Variants in PGBD5 observed in about 807,000 individuals in gnomAD.
The protein encoded by PGBD5 is piggyBac transposable element-derived protein 5.
In PGBD5, 14 loss-of-function variants were observed where a neutral mutation model predicts 47.9. The observed-to-expected ratio is 0.29, with a 90% confidence interval of 0.19 to 0.46. The LOEUF (loss-of-function observed/expected upper bound fraction) is 0.46, where lower values mean the gene tolerates loss of function less well. Among genes scored for constraint, PGBD5 ranks in the 20% least tolerant of loss-of-function variants. The probability of loss-of-function intolerance (pLI) is 1.00; values close to 1 mark genes in which losing one functional copy is unlikely to be tolerated. For missense variants in PGBD5, 635 were observed against 716.0 expected, an observed-to-expected ratio of 0.89 and a Z score of 1.29; for synonymous variants, 316 against 306.3, an observed-to-expected ratio of 1.03 and a Z score of -0.33.
At chr1:230,411,751 T>C (rs897423455) in intron 1 of PGBD5, among the ~76,000 whole-genome samples, 1 of 152,158 alleles carries the variant, frequency 6.6e-6, no homozygotes, top group Non-Finnish European at 1.5e-5. Flanking sequence ...GAGAACTACA[T>C]ACTGAGACCA....
At chr1:230,415,970 T>G (rs562835990) in intron 1 of PGBD5, among the ~76,000 whole-genome samples, 7 of 152,346 alleles carry the variant, frequency 4.6e-5, no homozygotes, top group Admixed American at 1.3e-4. Flanking sequence ...CAGTATTCAC[T>G]TGACAGGATG....
At chr1:230,367,811 A>T in intron 1 of PGBD5, 3 of 1,101,106 alleles carry the variant, frequency 2.7e-6, no homozygotes, top group Non-Finnish European at 3.6e-6. Context: ...GCTCTTCATC[A>T]TATCAACCAC....
At chr1:230,384,709 C>G (rs1656593332) in intron 1 of PGBD5, among the ~76,000 whole-genome samples, 1 of 152,256 alleles carries the variant, frequency 6.6e-6, no homozygotes, top group African/African-American at 2.4e-5. Flanking sequence ...ACTCTCACGA[C>G]ACCACGCGGC....
chr1:230,325,327 G>C lies in PGBD5; in HGVS notation c.1362C>G (p.Tyr454Ter). 1.9e-6 allele frequency: 3 copies of C among 1,612,754 alleles called. No individual in the cohort carries two copies. Among genetic ancestry groups the C allele is most frequent in the Non-Finnish European group, 1.7e-6 (2 of 1,179,324 alleles). ...FAAHLSYICR[Y>*]DDKYSKYFIS... ...CCACTTACTTGCTGTATTTGTCATC[G>C]TATCTGCAGATGTAGCTCAGGTGAG... Residue 454 changes from tyrosine to a stop codon, truncating the protein, a stop_gained, in exon 6 of 7, where the codon TAC becomes TAG. Coordinates refer to ENST00000391860, the MANE Select transcript of PGBD5 (RefSeq NM_001258311.2). LOFTEE classifies it high-confidence loss of function.
chr1:230,320,387 A>G lies in PGBD5; in HGVS notation c.*3038T>C, dbSNP rs536436014. On this transcript the variant is annotated 3_prime_UTR_variant, in exon 7 of 7. Transcript: ENST00000391860. ...TTCCCTGTGAGTTGCAGGGAAATGC[A>G]GATTCTCTTTGGAGAAGCTTGGAAG... The G allele has an allele frequency of 5.9e-5, 9 of 152,350 alleles. No individual in the cohort carries two copies. Among genetic ancestry groups the G allele is most frequent in the African/African-American group, 2.2e-4 (9 of 41,582 alleles). 9.4% of individuals were successfully genotyped at this position (152,350 alleles called of 1,614,324 possible).
Position 230,393,185 on chromosome 1 carries a change from G to C in PGBD5, c.331+32413C>G, listed in dbSNP as rs143964116. On this transcript the variant is annotated intron_variant, in intron 1 of 6. Coordinates refer to ENST00000391860, the MANE Select transcript of PGBD5 (RefSeq NM_001258311.2). ...AAAGGGAAGAGAAGGGGAAGGGAGG[G>C]GGGGAGGAGGGAGGAGGCAGGGAAG... 2.5e-3 allele frequency among the ~76,000 whole-genome samples: 365 copies of C among 145,876 alleles called. 2 individuals are homozygous for C. Among genetic ancestry groups the C allele is most frequent in the African/African-American group, 8.9e-3 (351 of 39,346 alleles).
intron 1 of PGBD5, among the ~76,000 whole-genome samples, chr1:230,370,690 A>G (rs879122131): frequency 6.6e-6 from 1 of 152,210 alleles, no homozygotes; most frequent in Admixed American, 6.5e-5. Context: ...AATAGCCCAG[A>G]TGGTCCAGCT....
At chr1:230,360,926 G>C (rs1007601937) in intron 1 of PGBD5, among the ~76,000 whole-genome samples, 2 of 152,108 alleles carry the variant, frequency 1.3e-5, no homozygotes, top group African/African-American at 4.8e-5. Flanking sequence ...ATCTACGTGA[G>C]GCATCATCCC....
intron 3 of PGBD5, among the ~76,000 whole-genome samples, chr1:230,339,433 C>T (rs576197277): frequency 5.3e-5 from 8 of 152,184 alleles, no homozygotes; most frequent in African/African-American, 1.2e-4. Flanking sequence ...ATGGCTGTTA[C>T]GGCAAACAGT....
chr1:230,393,331 G>A (rs1382599712), intron 1 of PGBD5, among the ~76,000 whole-genome samples: 2 of 151,622 alleles, frequency 1.3e-5, no homozygotes, highest in African/African-American at 2.4e-5. Context: ...TGTGCTCAGG[G>A]CCAGTGCAGC....
At position 230,318,582 on chromosome 1, in the gene PGBD5, C is replaced by CAAGGCT. The variant is rs1666984210; in HGVS notation, c.*4837_*4842dup. ...TCTTTCGTTTGGAACTCCCACTACA[C>CAAGGCT]AAGGCTAAGGCTTTCCACAGCCAAA... On this transcript the variant is annotated 3_prime_UTR_variant, in exon 7 of 7. Transcript: ENST00000391860. 1.3e-5 allele frequency: 2 copies of CAAGGCT among 152,270 alleles called. No individual in the cohort carries two copies. The highest frequency in any genetic ancestry group is 2.9e-5 in the Non-Finnish European group (2 of 68,076). 9.4% of individuals were successfully genotyped at this position (152,270 alleles called of 1,614,324 possible). A position where few individuals can be genotyped will look rare whatever the true frequency, so the allele number is the denominator to read the frequency against.
intron 1 of PGBD5, among the ~76,000 whole-genome samples, chr1:230,386,321 A>G (rs987943591): frequency 2.7e-5 from 4 of 149,302 alleles, no homozygotes; most frequent in African/African-American, 9.7e-5. Context: ...CCTATCTTAA[A>G]AAAAAAAAAA....
intron 3 of PGBD5, among the ~76,000 whole-genome samples, chr1:230,348,301 A>G (rs372466468): frequency 7.2e-5 from 11 of 152,224 alleles, no homozygotes; most frequent in African/African-American, 2.2e-4. Context: ...CATATTCCAG[A>G]GCAATGACTG....
chr1:230,390,979 A>G (rs1263312397), intron 1 of PGBD5, among the ~76,000 whole-genome samples: 3 of 152,052 alleles, frequency 2.0e-5, no homozygotes, highest in Non-Finnish European at 4.4e-5. Flanking sequence ...AGCTCAAGTG[A>G]TCTGCCTGCC....
Position 230,348,486 on chromosome 1 carries a change from A to G in PGBD5, c.894+2472T>C, listed in dbSNP as rs571871315. ...ACCTCATGTAAGAAATGGGATCAAC[A>G]CGGCCTGCTCTCTATGTCTTACAAG... On this transcript the variant is annotated intron_variant, in intron 3 of 6. Coordinates refer to ENST00000391860, the MANE Select transcript of PGBD5 (RefSeq NM_001258311.2). Among the ~76,000 whole-genome samples, 35 of 152,302 alleles carry G rather than the reference A, an allele frequency of 2.3e-4. 1 individual carries two copies. In the South Asian group the frequency reaches 7.3e-3, roughly 32 times the overall value.
chr1:230,407,834 G>C (rs921578744), intron 1 of PGBD5, among the ~76,000 whole-genome samples: 1 of 152,060 alleles, frequency 6.6e-6, no homozygotes. Context: ...AATTATAATC[G>C]GGGCAACATC....
intron 6 of PGBD5, among the ~76,000 whole-genome samples, chr1:230,324,340 T>C (rs932608148): frequency 3.9e-5 from 6 of 152,218 alleles, no homozygotes; most frequent in African/African-American, 1.4e-4. Context: ...AACAACCTCA[T>C]AGAACACAGC....
At chr1:230,393,120 GA>G (rs1468409918) in intron 1 of PGBD5, among the ~76,000 whole-genome samples, 2 of 132,110 alleles carry the variant, frequency 1.5e-5, no homozygotes, top group Admixed American at 1.7e-4. Context: ...AGGGGAAGGG[GA>G]AAAAAGAAGG....
intron 1 of PGBD5, among the ~76,000 whole-genome samples, chr1:230,394,874 C>G (rs1433370115): frequency 1.8e-5 from 2 of 109,550 alleles, no homozygotes; most frequent in African/African-American, 6.9e-5. Context: ...TGCTCCTCCC[C>G]CCTCTCCTCA....
Sources: allele counts gnomAD v4.1 joint callset (sites outside exome capture counted in the v4.1 genomes callset), GRCh38; gene constraint gnomAD v4.1.1; transcripts MANE v1.5; gene names NCBI Gene and HGNC (gene_info 2026-07-23, HGNC 2026-07-21).